Variants in CACUL1 observed in about 807,000 individuals in gnomAD.
CACUL1 encodes the protein CDK2-associated and cullin domain-containing protein 1.
In CACUL1, 13 loss-of-function variants were observed where a neutral mutation model predicts 45.2. The observed-to-expected ratio is 0.29, with a 90% CI of 0.19 to 0.46. CACUL1 has a LOEUF of 0.46. CACUL1 is among the 20% of genes least tolerant of loss of function. The probability of loss-of-function intolerance (pLI) is 1.00; values close to 1 mark genes in which losing one functional copy is unlikely to be tolerated. For missense variants in CACUL1, 421 were observed against 471.4 expected (o/e 0.89, Z 0.99); for synonymous variants, 197 against 174.2 (o/e 1.13, Z -1.03).
intron 4 of CACUL1, 65 bp from the exon 5 acceptor site, chr10:118,701,473 G>A: frequency 1.2e-6 from 1 of 835,880 alleles, no homozygotes; most frequent in Non-Finnish European, 1.8e-6. Context: ...TAATGAACTG[G>A]AGCACTAAAT....
At chr10:118,749,613 G>C (rs1448263654) in intron 1 of CACUL1, among the ~76,000 whole-genome samples, 1 of 152,218 alleles carries the variant, frequency 6.6e-6, no homozygotes, top group Admixed American at 6.5e-5. Context: ...CATAATTAAA[G>C]TCTTCCTCCT....
intron 3 of CACUL1, among the ~76,000 whole-genome samples, chr10:118,715,782 T>C (rs2119609471): frequency 6.6e-6 from 1 of 152,320 alleles, no homozygotes; most frequent in East Asian, 1.9e-4. Flanking sequence ...AAAAGCATTC[T>C]GGTTGTCTTC....
rs754241223 is a variant in CACUL1 at position 118,691,866 on chromosome 10, C to CAAAAAA, written c.887-469_887-464dup. 2.8e-3 allele frequency among the ~76,000 whole-genome samples: 264 copies of CAAAAAA among 94,984 alleles called. 3 individuals are homozygous for CAAAAAA. Among genetic ancestry groups the CAAAAAA allele is most frequent in the African/African-American group, 7.4e-3 (137 of 18,604 alleles). 62.3% of individuals were successfully genotyped at this position (94,984 alleles called of 152,430 possible). On this transcript the variant is annotated intron_variant, in intron 6 of 8. Coordinates refer to ENST00000369151, the MANE Select transcript of CACUL1 (RefSeq NM_153810.5). ...TGGGCGACAGAGCGAGACTCCGTCTCAAAAAAAAAAAAAAAAAAAAAAAAG... is the reference window on the plus strand; with the variant it reads ...TGGGCGACAGAGCGAGACTCCGTCTCAAAAAAAAAAAAAAAAAAAAAAAAAAAAAAG...
intron 3 of CACUL1, among the ~76,000 whole-genome samples, chr10:118,711,888 C>T (rs986336347): frequency 6.6e-6 from 1 of 152,000 alleles, no homozygotes; most frequent in Non-Finnish European, 1.5e-5. Context: ...AAACTCCTTC[C>T]TAGGAACCTA....
chr10:118,748,602 A>G (rs1845866709), intron 1 of CACUL1, among the ~76,000 whole-genome samples: 1 of 152,198 alleles, frequency 6.6e-6, no homozygotes, highest in Admixed American at 6.5e-5. Context: ...CTTTTTGAGC[A>G]CCAATATGAT....
At chr10:118,694,009 C>T (rs939425218) in intron 6 of CACUL1, among the ~76,000 whole-genome samples, 11 of 152,184 alleles carry the variant, frequency 7.2e-5, no homozygotes, top group Admixed American at 5.2e-4. Flanking sequence ...GGACTACAGG[C>T]GCCCGCCACC....
intron 3 of CACUL1, among the ~76,000 whole-genome samples, chr10:118,711,500 A>G (rs1301214526): frequency 6.6e-6 from 1 of 152,240 alleles, no homozygotes. Context: ...CTTCCCCTAA[A>G]CTGCTTTGAA....
In CACUL1 at chr10:118,680,305, GAA is replaced by G. The variant is rs1845141250; in HGVS notation, c.*5821_*5822del. 1 of 152,170 alleles carries G rather than the reference GAA, an allele frequency of 6.6e-6. No individual in the cohort carries two copies. Among genetic ancestry groups the G allele is most frequent in the Non-Finnish European group, 1.5e-5 (1 of 68,034 alleles). 9.4% of individuals were successfully genotyped at this position (152,170 alleles called of 1,614,324 possible). On this transcript the variant is annotated 3_prime_UTR_variant, in exon 9 of 9. Transcript: ENST00000369151. ...AGTAAAAAACAAACCTGCTAAAAGG[GAA>G]AGAGTTTAAATGACACCCTACTTAA...
In CACUL1 at chr10:118,679,601, C is replaced by T. The variant is rs370029843; in HGVS notation, c.*6527G>A. 6.6e-6 allele frequency: 1 copy of T among 152,058 alleles called. No individual in the cohort carries two copies. Among genetic ancestry groups the T allele is most frequent in the African/African-American group, 2.4e-5 (1 of 41,382 alleles). The allele number at this position is 152,058 out of a possible 1,614,324, so 9.4% of individuals were successfully genotyped here. A position where few individuals can be genotyped will look rare whatever the true frequency, so the allele number is the denominator to read the frequency against. ...TAGTGCAATCTTGGTTCACTGAAAC[C>T]TCTGCCTCCTGGGTTCAGGCGATTT... On this transcript the variant is annotated 3_prime_UTR_variant, in exon 9 of 9. Transcript: ENST00000369151.
chr10:118,723,562 T>A (rs1469671661), intron 3 of CACUL1, among the ~76,000 whole-genome samples: 1 of 152,230 alleles, frequency 6.6e-6, no homozygotes, highest in Non-Finnish European at 1.5e-5. Flanking sequence ...CTACTGGTGA[T>A]GAATTCTCCC....
intron 4 of CACUL1, among the ~76,000 whole-genome samples, chr10:118,705,027 T>A (rs771681818): frequency 1.3e-5 from 2 of 152,194 alleles, no homozygotes; most frequent in Non-Finnish European, 2.9e-5. Context: ...AAATCCTACA[T>A]CAGTAGGGCC....
chr10:118,718,549 C>T (rs1363523985), intron 3 of CACUL1, among the ~76,000 whole-genome samples: 2 of 152,178 alleles, frequency 1.3e-5, no homozygotes, highest in African/African-American at 4.8e-5. Context: ...CCTCACGGCC[C>T]GTGAAGATAT....
chr10:118,686,207 G>A, intron 8 of CACUL1, 39 bp from the exon 9 acceptor site: 1 of 1,529,400 alleles, frequency 6.5e-7, no homozygotes, highest in Non-Finnish European at 9.1e-7. Flanking sequence ...ATGAAGAGCA[G>A]ACAGCATTTG....
chr10:118,716,905 T>A (rs984898610), intron 3 of CACUL1, among the ~76,000 whole-genome samples: 1 of 152,158 alleles, frequency 6.6e-6, no homozygotes, highest in Admixed American at 6.5e-5. Context: ...CCCAGCGCAC[T>A]ATCTTATTCT....
chr10:118,720,021 A>T (rs1845585938), intron 3 of CACUL1, among the ~76,000 whole-genome samples: 1 of 152,182 alleles, frequency 6.6e-6, no homozygotes, highest in African/African-American at 2.4e-5. Context: ...TCAATTGAAA[A>T]CTACAATAAA....
At chr10:118,733,407 A>G (rs527564012) in intron 1 of CACUL1, among the ~76,000 whole-genome samples, 2 of 152,222 alleles carry the variant, frequency 1.3e-5, no homozygotes, top group Non-Finnish European at 2.9e-5. Context: ...TGAATAGTAA[A>G]TAGAAAGCCA....
chr10:118,724,357 T>C (rs1228260015), intron 3 of CACUL1, among the ~76,000 whole-genome samples: 1 of 152,214 alleles, frequency 6.6e-6, no homozygotes, highest in Non-Finnish European at 1.5e-5. Context: ...ATAATTCACT[T>C]TGTTAGTCCT....
At chr10:118,736,812 T>A (rs541946094) in intron 1 of CACUL1, among the ~76,000 whole-genome samples, 3 of 152,282 alleles carry the variant, frequency 2.0e-5, no homozygotes, top group East Asian at 1.9e-4. Flanking sequence ...CCATTTTTTT[T>A]ATCTTTTATA....
Position 118,730,352 on chromosome 10 carries a change from A to G in CACUL1, c.426T>C (p.Gly142=). The G allele has an allele frequency of 6.2e-7, 1 of 1,613,908 alleles. No homozygotes were observed. The highest frequency in any genetic ancestry group is 1.1e-5 in the South Asian group (1 of 91,078). Residue 142 remains glycine, a synonymous_variant, in exon 2 of 9, where the codon GGT becomes GGC. Transcript: ENST00000369151. ...YKSTYWPKLD[G]AIDQLLTQSP... ...TCTGAGTTAAAAGTTGATCTATGGC[A>G]CCATCCAATTTTGGCCAGTATGTGC...
Sources: gnomAD v4.1 joint callset for allele counts (sites outside exome capture counted in the v4.1 genomes callset) on GRCh38, gnomAD v4.1.1 for gene constraint, MANE v1.5 for transcripts, NCBI Gene and HGNC (gene_info 2026-07-23, HGNC 2026-07-21) for gene names.